Variants in COL6A5 observed in about 807,000 individuals in gnomAD.
The protein encoded by COL6A5 is collagen alpha-5(VI) chain.
A neutral mutation model predicts 65.6 loss-of-function variants in COL6A5; 48 were observed. The observed-to-expected ratio is 0.73, with a 90% CI of 0.58 to 0.93. COL6A5 has a LOEUF of 0.93. Among genes scored for constraint, COL6A5 ranks in the 40% least tolerant of loss-of-function variants. COL6A5 has a pLI of 0.00. For synonymous variants in COL6A5, 291 were observed against 322.8 expected, an observed-to-expected ratio of 0.90 and a Z score of 1.05; for missense variants, 914 against 928.3, an observed-to-expected ratio of 0.98 and a Z score of 0.20.
intron 1 of COL6A5, among the ~76,000 whole-genome samples, chr3:130,366,509 A>T (rs1041342160): frequency 4.6e-5 from 7 of 152,098 alleles, no homozygotes; most frequent in Non-Finnish European, 7.4e-5. Context: ...CTCAAGTCCA[A>T]CCCTCTTGTT....
At chr3:130,415,029 GT>G (rs1937297041) in intron 22 of COL6A5, among the ~76,000 whole-genome samples, 1 of 152,022 alleles carries the variant, frequency 6.6e-6, no homozygotes, top group Admixed American at 6.6e-5. Context: ...ACACCCGTGG[GT>G]CCCTTTGACA....
In COL6A5 at chr3:130,469,483, T is replaced by C. The variant is rs768686878; in HGVS notation, c.2231+2T>C. ...AGCCATTTGTCCATTTAATCAGACG[T>C]AAGTCATTAATTCTCTTTGATTGCT... On this transcript the variant is annotated splice_donor_variant, in intron 6 of 7. Coordinates refer to ENST00000512836, the Ensembl canonical transcript of COL6A5. LOFTEE classifies it high-confidence loss of function. 8 of 1,603,652 alleles carry C rather than the reference T, an allele frequency of 5.0e-6. No individual in the cohort carries two copies. Among genetic ancestry groups the C allele is most frequent in the South Asian group, 3.3e-5 (3 of 89,852 alleles).
chr3:130,403,214 C>T (rs1279967736), intron 12 of COL6A5, among the ~76,000 whole-genome samples: 1 of 152,202 alleles, frequency 6.6e-6, no homozygotes, highest in Non-Finnish European at 1.5e-5. Flanking sequence ...GTTATTCTTC[C>T]TTGAGCTCTC....
exon 4 of COL6A5, chr3:130,379,491 C>A (rs575767426): frequency 6.4e-7 from 1 of 1,551,184 alleles, no homozygotes; most frequent in South Asian, 1.2e-5. Flanking sequence ...CACTTGGGAC[C>A]GGAGGAAATT....
intron 1 of COL6A5, among the ~76,000 whole-genome samples, chr3:130,358,282 A>G (rs1934994044): frequency 6.6e-6 from 1 of 152,228 alleles, no homozygotes; most frequent in Admixed American, 6.5e-5. Flanking sequence ...TGGTCAATGT[A>G]ATAATAAAAG....
At chr3:130,379,336 T>C (rs1935904074) in intron 3 of COL6A5, 82 bp from the exon 4 acceptor site, 1 of 1,243,342 alleles carries the variant, frequency 8.0e-7, no homozygotes, top group Non-Finnish European at 1.1e-6. Flanking sequence ...TTCTAACTAA[T>C]GTGCTTGATA....
chr3:130,393,778 T>G (rs986133251), intron 7 of COL6A5, among the ~76,000 whole-genome samples: 8 of 152,170 alleles, frequency 5.3e-5, no homozygotes, highest in Non-Finnish European at 1.0e-4. Context: ...AGCTTCAGCC[T>G]GAAACAGCTG....
At chr3:130,470,498 G>A (rs1709920209) in intron 6 of COL6A5, among the ~76,000 whole-genome samples, 1 of 151,684 alleles carries the variant, frequency 6.6e-6, no homozygotes, top group Non-Finnish European at 1.5e-5. Flanking sequence ...ATAGCTAATA[G>A]AGTCTTCTCC....
intron 1 of COL6A5, among the ~76,000 whole-genome samples, chr3:130,371,040 T>C (rs945195060): frequency 3.3e-5 from 5 of 152,142 alleles, no homozygotes; most frequent in Non-Finnish European, 5.9e-5. Flanking sequence ...TAAAGAAGGA[T>C]GTATACACAG....
chr3:130,389,170 G>A (rs1282099611), intron 6 of COL6A5, 36 bp downstream of exon 6: 5 of 1,305,646 alleles, frequency 3.8e-6, no homozygotes, highest in Non-Finnish European at 3.0e-6. Flanking sequence ...ACTAAAGGAT[G>A]TGAGCTGTTG....
At chr3:130,391,284 T>G in exon 7 of COL6A5, 2 of 1,551,686 alleles carry the variant, frequency 1.3e-6, no homozygotes, top group Non-Finnish European at 1.7e-6. Flanking sequence ...ATCCATTTGG[T>G]GAAGAAAGCA....
exon 3 of COL6A5, chr3:130,440,498 G>A: frequency 6.2e-7 from 1 of 1,613,676 alleles, no homozygotes; most frequent in Non-Finnish European, 8.5e-7. Flanking sequence ...ACAGCTAAAT[G>A]GAGAAGCAAC....
In COL6A5 at chr3:130,414,065, T is replaced by A; in HGVS notation, c.4699-4T>A. Reference sequence around the variant, plus strand: ...GCTTGACACTGGAAACTCTTGTTCATCAGGGAGAACCAGGAAATCCTGGAC... The same window carrying A: ...GCTTGACACTGGAAACTCTTGTTCAACAGGGAGAACCAGGAAATCCTGGAC... On this transcript the variant is annotated splice_polypyrimidine_tract_variant and splice_region_variant and intron_variant and NMD_transcript_variant, in intron 21 of 41. Transcript: ENST00000312481. 1 of 1,549,450 alleles carries A rather than the reference T, an allele frequency of 6.5e-7. No individual in the cohort carries two copies. Among genetic ancestry groups the A allele is most frequent in the Non-Finnish European group, 8.7e-7 (1 of 1,145,118 alleles).
At chr3:130,364,906 G>A (rs1935276232) in intron 1 of COL6A5, among the ~76,000 whole-genome samples, 1 of 152,202 alleles carries the variant, frequency 6.6e-6, no homozygotes, top group Non-Finnish European at 1.5e-5. Context: ...ACCCAAACTA[G>A]CTCAAACACA....
chr3:130,356,274 A>G (rs943216513), intron 1 of COL6A5, among the ~76,000 whole-genome samples: 9 of 152,180 alleles, frequency 5.9e-5, no homozygotes, highest in African/African-American at 2.2e-4. Context: ...AGAAATGCAT[A>G]AAGCAGAAAC....
Position 130,439,339 on chromosome 3 carries a change from TTGTGTGTGTGTG to T in COL6A5, c.488-154_488-143del, listed in dbSNP as rs5852597. ...TGTTATGTTTGGGATAAGCAGGGGA[TTGTGTGTGTGTG>T]TGTGTGTGTGTGTGTGTGTGTGTGT... On this transcript the variant is annotated intron_variant, in intron 1 of 7. Coordinates refer to ENST00000512836, the Ensembl canonical transcript of COL6A5. 5.6e-3 allele frequency among the ~76,000 whole-genome samples: 828 copies of T among 146,656 alleles called. 10 individuals are homozygous for T. The highest frequency in any genetic ancestry group is 0.019 in the African/African-American group (766 of 39,446).
Position 130,351,362 on chromosome 3 carries a change from C to A in COL6A5, c.-29+5381C>A, listed in dbSNP as rs138075325. ...TCTGCACAGCAAAAGAAACTACCACCAGAGTGAACAGGCAACCTACAAAAT... is the reference window on the plus strand; with the variant it reads ...TCTGCACAGCAAAAGAAACTACCACAAGAGTGAACAGGCAACCTACAAAAT... On this transcript the variant is annotated intron_variant and NMD_transcript_variant, in intron 1 of 41. Transcript: ENST00000312481. Among the ~76,000 whole-genome samples, 400 of 152,258 alleles carry A rather than the reference C, an allele frequency of 2.6e-3. 9 individuals carry two copies. In the East Asian group the frequency reaches 0.044, roughly 17 times the overall value.
intron 4 of COL6A5, among the ~76,000 whole-genome samples, chr3:130,448,404 G>A (rs530066714): frequency 2.0e-5 from 3 of 152,262 alleles, no homozygotes; most frequent in South Asian, 2.1e-4. Flanking sequence ...CAGCACATAG[G>A]TCGGAATGCC....
intron 6 of COL6A5, 66 bp from the exon 7 acceptor site, chr3:130,391,113 C>T: frequency 5.9e-6 from 7 of 1,181,576 alleles, no homozygotes; most frequent in Non-Finnish European, 8.4e-6. Context: ...GTTCGCTTCC[C>T]TTCTCAGCAC....
Sources: allele counts gnomAD v4.1 joint callset (sites outside exome capture counted in the v4.1 genomes callset), GRCh38; gene constraint gnomAD v4.1.1; transcripts MANE v1.5; gene names NCBI Gene and HGNC (gene_info 2026-07-23, HGNC 2026-07-21).